Variants in FKBP1A observed in about 807,000 individuals in gnomAD.
FKBP1A encodes peptidyl-prolyl cis-trans isomerase FKBP1A.
A neutral mutation model predicts 14.2 loss-of-function variants in FKBP1A; 5 were observed. That is an observed-to-expected ratio of 0.35 (90% CI 0.18 to 0.74). FKBP1A has a LOEUF of 0.74. FKBP1A is among the 30% of genes least tolerant of loss of function. FKBP1A has a pLI of 0.56. For synonymous variants in FKBP1A, 42 were observed against 49.1 expected (o/e 0.86, Z 0.60); for missense variants, 53 against 138.8 (o/e 0.38, Z 3.10).
At chr20:1,370,321 A>T in intron 4 of FKBP1A, 3 of 985,422 alleles carry the variant, frequency 3.0e-6, no homozygotes, top group Non-Finnish European at 3.6e-6. Flanking sequence ...CTTGCTGAGG[A>T]CAGCAGGAGG....
intron 2 of FKBP1A, among the ~76,000 whole-genome samples, chr20:1,385,322 A>AGAGGTTGCAGTGAGCC (rs1402601525): frequency 1.3e-5 from 2 of 152,214 alleles, no homozygotes; most frequent in African/African-American, 2.4e-5. Flanking sequence ...CCCGGGAGGC[A>AGAGGTTGCAGTGAGCC]GAGGTTGCAG....
chr20:1,376,194 T>A (rs2089541300), intron 2 of FKBP1A, among the ~76,000 whole-genome samples: 1 of 152,174 alleles, frequency 6.6e-6, no homozygotes, highest in Admixed American at 6.5e-5. Context: ...TGGGATGTGG[T>A]AAGAGGAAGC....
At chr20:1,375,192 G>A in intron 3 of FKBP1A, 1 of 539,338 alleles carries the variant, frequency 1.9e-6, no homozygotes, top group Non-Finnish European at 3.2e-6. Context: ...ACCGCGCCCA[G>A]CCTACTCCTC....
chr20:1,392,747 G>A (rs930583601), intron 2 of FKBP1A, 87 bp downstream of exon 2: 9 of 1,004,312 alleles, frequency 9.0e-6, no homozygotes, highest in Non-Finnish European at 1.2e-5. Context: ...CGGACCCCAG[G>A]CCCCGGGCCC....
chr20:1,382,044 G>C (rs1311632590), intron 2 of FKBP1A, among the ~76,000 whole-genome samples: 1 of 152,200 alleles, frequency 6.6e-6, no homozygotes, highest in East Asian at 1.9e-4. Flanking sequence ...AAAAGAAAAA[G>C]AGTAGGCAGT....
At chr20:1,392,916 C>A in intron 1 of FKBP1A, 35 bp from the exon 2 acceptor site, 1 of 1,367,052 alleles carries the variant, frequency 7.3e-7, no homozygotes, top group Non-Finnish European at 9.7e-7. Flanking sequence ...TGAGCCGATG[C>A]GCGCGGCGGC....
At chr20:1,375,322 C>G in intron 3 of FKBP1A, 169 bp downstream of exon 3, 2 of 621,486 alleles carry the variant, frequency 3.2e-6, no homozygotes, top group East Asian at 2.7e-5. Context: ...AACCACAGTA[C>G]AAGAAACATT....
chr20:1,372,006 C>T (rs184089222), intron 4 of FKBP1A, 70 bp downstream of exon 4: 1 of 1,550,762 alleles, frequency 6.4e-7, no homozygotes, highest in Admixed American at 2.0e-5. Flanking sequence ...CTCTGCTACC[C>T]ATCAAACGCT....
chr20:1,371,760 C>G, intron 4 of FKBP1A: 6 of 1,031,432 alleles, frequency 5.8e-6, no homozygotes, highest in Non-Finnish European at 7.0e-6. Context: ...AATGTTGGCA[C>G]TACAAATTTG....
chr20:1,370,441 T>G, intron 4 of FKBP1A: 1 of 972,144 alleles, frequency 1.0e-6, no homozygotes, highest in South Asian at 4.8e-5. Flanking sequence ...ATGCCTGGGT[T>G]CCACTCCCAT....
rs1401546466 is a variant in FKBP1A at position 1,393,040 on chromosome 20, G to GT, written c.-43_-42insA. 7 of 1,341,624 alleles carry GT rather than the reference G, an allele frequency of 5.2e-6. No individual in the cohort carries two copies. The highest frequency in any genetic ancestry group is 6.9e-6 in the Non-Finnish European group (7 of 1,010,978). The allele number at this position is 1,341,624 out of a possible 1,614,324, so 83.1% of individuals were successfully genotyped here. A position where few individuals can be genotyped will look rare whatever the true frequency, so the allele number is the denominator to read the frequency against. On this transcript the variant is annotated 5_prime_UTR_variant, in exon 1 of 5. Transcript: ENST00000400137. The stretch of plus-strand genomic sequence containing the variant: ...GAGCGGGCGGGCGGCGCGACGGGCG[G>GT]CGTGGACCAACAGCGACCTGGCGGC...
intron 2 of FKBP1A, 86 bp downstream of exon 2, chr20:1,392,748 C>T: frequency 4.0e-6 from 4 of 1,007,696 alleles, no homozygotes; most frequent in Non-Finnish European, 5.3e-6. Flanking sequence ...GGACCCCAGG[C>T]CCCGGGCCCC....
At chr20:1,374,388 A>G (rs953908945) in intron 3 of FKBP1A, 2 of 152,250 alleles carry the variant, frequency 1.3e-5, no homozygotes, top group East Asian at 3.8e-4. Flanking sequence ...GACTTTCTCC[A>G]TAAGTATGAC....
At chr20:1,380,980 T>A (rs527484602) in intron 2 of FKBP1A, among the ~76,000 whole-genome samples, 1 of 152,340 alleles carries the variant, frequency 6.6e-6, no homozygotes, top group African/African-American at 2.4e-5. Flanking sequence ...ATCCTAGACC[T>A]AAATGTTAAG....
At chr20:1,391,585 AG>A (rs1002268480) in intron 2 of FKBP1A, 5 of 397,894 alleles carry the variant, frequency 1.3e-5, no homozygotes, top group Non-Finnish European at 1.8e-5. Context: ...AGGGCATGGG[AG>A]GGGGGATGTT....
At chr20:1,377,988 G>GC (rs1385603781) in intron 2 of FKBP1A, 1 of 152,352 alleles carries the variant, frequency 6.6e-6, no homozygotes, top group African/African-American at 2.4e-5. Flanking sequence ...AGCAACGACA[G>GC]CAACAACAGC....
intron 2 of FKBP1A, chr20:1,378,506 G>A (rs1035277085): frequency 6.6e-6 from 1 of 152,152 alleles, no homozygotes; most frequent in Non-Finnish European, 1.5e-5. Flanking sequence ...ACCACCAAGA[G>A]TGAACCCTAA....
At chr20:1,391,658 T>C (rs1011386452) in intron 2 of FKBP1A, 4 of 398,502 alleles carry the variant, frequency 1.0e-5, no homozygotes, top group Non-Finnish European at 1.8e-5. Context: ...CCTCCATGTT[T>C]CCATGATTTG....
intron 2 of FKBP1A, among the ~76,000 whole-genome samples, chr20:1,380,712 T>A (rs974294232): frequency 5.3e-5 from 8 of 152,122 alleles, no homozygotes; most frequent in African/African-American, 1.9e-4. Context: ...AAATTCACAA[T>A]GTCTGGCATC....
Sources: gnomAD v4.1 joint callset for allele counts (sites outside exome capture counted in the v4.1 genomes callset) on GRCh38, gnomAD v4.1.1 for gene constraint, MANE v1.5 for transcripts, NCBI Gene and HGNC (gene_info 2026-07-23, HGNC 2026-07-21) for gene names.